PDE4D: variants seen among roughly 807,000 people sequenced by gnomAD.
PDE4D encodes the protein 3',5'-cyclic-AMP phosphodiesterase 4D.
A neutral mutation model predicts 87.4 loss-of-function variants in PDE4D; 24 were observed. The observed-to-expected ratio is 0.27, with a 90% CI of 0.20 to 0.39. PDE4D has a LOEUF of 0.39. PDE4D is among the 10% of genes least tolerant of loss of function. PDE4D has a pLI of 1.00. For synonymous variants in PDE4D, 384 were observed against 383.2 expected (o/e 1.00, Z -0.02); for missense variants, 714 against 1,041.0 (o/e 0.69, Z 4.32).
intron 1 of PDE4D, among the ~76,000 whole-genome samples, chr5:60,442,150 T>C (rs988492310): frequency 1.3e-5 from 2 of 152,158 alleles, no homozygotes; most frequent in African/African-American, 4.8e-5. Context: ...CGTATGTTTA[T>C]TGTGGCACTG....
intron 1 of PDE4D, among the ~76,000 whole-genome samples, chr5:59,739,653 G>C (rs1359944525): frequency 1.3e-5 from 2 of 152,186 alleles, no homozygotes; most frequent in Non-Finnish European, 2.9e-5. Context: ...ATACAGCAGT[G>C]TAATACGCTA....
intron 1 of PDE4D, among the ~76,000 whole-genome samples, chr5:59,761,107 T>A (rs1761910290): frequency 6.6e-6 from 1 of 152,244 alleles, no homozygotes; most frequent in African/African-American, 2.4e-5. Flanking sequence ...TTCTACTGAC[T>A]ATTGTGGGCA....
At chr5:59,403,824 G>A (rs1425570951) in intron 1 of PDE4D, among the ~76,000 whole-genome samples, 1 of 152,182 alleles carries the variant, frequency 6.6e-6, no homozygotes, top group African/African-American at 2.4e-5. Flanking sequence ...ACCTAGAAGT[G>A]GGATTGCTGG....
chr5:59,371,639 C>A (rs957694079), intron 1 of PDE4D, among the ~76,000 whole-genome samples: 1 of 152,064 alleles, frequency 6.6e-6, no homozygotes, highest in Non-Finnish European at 1.5e-5. Flanking sequence ...GGAAGTGAAC[C>A]TACTATAGAT....
chr5:59,419,931 A>C (rs1794209581), intron 1 of PDE4D, among the ~76,000 whole-genome samples: 1 of 152,170 alleles, frequency 6.6e-6, no homozygotes. Context: ...TCACCAAAGG[A>C]ACTGAGATGG....
At chr5:60,323,989 T>G (rs1376600559) in intron 1 of PDE4D, among the ~76,000 whole-genome samples, 1 of 152,166 alleles carries the variant, frequency 6.6e-6, no homozygotes, top group East Asian at 1.9e-4. Flanking sequence ...TGTGTCTGTC[T>G]TTGACGGTGC....
At chr5:59,497,745 A>C (rs769904873) in intron 1 of PDE4D, among the ~76,000 whole-genome samples, 1 of 152,212 alleles carries the variant, frequency 6.6e-6, no homozygotes, top group African/African-American at 2.4e-5. Context: ...CTTGGAACAC[A>C]TATTTGAGGA....
intron 1 of PDE4D, among the ~76,000 whole-genome samples, chr5:59,691,223 A>G (rs1415267609): frequency 6.6e-6 from 1 of 152,226 alleles, no homozygotes; most frequent in Non-Finnish European, 1.5e-5. Context: ...ATTACTGGGT[A>G]TATACCCAAA....
intron 1 of PDE4D, among the ~76,000 whole-genome samples, chr5:60,476,334 A>C (rs1034048648): frequency 6.6e-6 from 1 of 152,132 alleles, no homozygotes; most frequent in African/African-American, 2.4e-5. Context: ...ACAGTATCTA[A>C]ATTTGGCTTC....
At chr5:59,763,368 A>T (rs1580974228) in intron 1 of PDE4D, among the ~76,000 whole-genome samples, 1 of 151,950 alleles carries the variant, frequency 6.6e-6, no homozygotes, top group East Asian at 1.9e-4. Flanking sequence ...TCGTGGATAT[A>T]TAGATGTGTA....
intron 1 of PDE4D, among the ~76,000 whole-genome samples, chr5:60,361,751 A>C (rs949805399): frequency 6.6e-6 from 1 of 152,228 alleles, no homozygotes; most frequent in Non-Finnish European, 1.5e-5. Flanking sequence ...CCATCAACCC[A>C]TGCCTGAGTG....
intron 3 of PDE4D, among the ~76,000 whole-genome samples, chr5:59,947,880 G>GC (rs1757884596): frequency 6.6e-6 from 1 of 152,086 alleles, no homozygotes; most frequent in African/African-American, 2.4e-5. Context: ...GGTGGTGCAC[G>GC]CCTATAATCC....
intron 1 of PDE4D, among the ~76,000 whole-genome samples, chr5:60,376,525 C>T (rs1461610315): frequency 6.6e-6 from 1 of 152,214 alleles, no homozygotes; most frequent in Non-Finnish European, 1.5e-5. Flanking sequence ...ACAGAAGCCA[C>T]AGCGAATTTC....
Position 59,946,610 on chromosome 5 carries a change from A to G in PDE4D, c.272+41878T>C, listed in dbSNP as rs72753217. Among the ~76,000 whole-genome samples, 1,307 of 152,300 alleles carry G rather than the reference A, an allele frequency of 8.6e-3. 8 individuals carry two copies. Among genetic ancestry groups the G allele is most frequent in the Non-Finnish European group, 0.015 (996 of 68,016 alleles). ...TTATTGAAAGATTATTCAACTATAG[A>G]AGCCATTTGCTCTAGCTGTGGAGTC... On this transcript the variant is annotated intron_variant, in intron 3 of 16. Coordinates refer to the PDE4D transcript ENST00000502484.
At chr5:59,193,395 C>T (rs1201452513) in intron 3 of PDE4D, 105 bp downstream of exon 3, 59 of 1,057,124 alleles carry the variant, frequency 5.6e-5, no homozygotes, top group Non-Finnish European at 7.1e-6. Context: ...TGTATTTGTA[C>T]TTGTGCTTGA....
intron 1 of PDE4D, among the ~76,000 whole-genome samples, chr5:60,241,271 C>CTTTTT (rs371953042): frequency 3.1e-5 from 3 of 96,986 alleles, no homozygotes; most frequent in African/African-American, 4.0e-5. Flanking sequence ...CTCTCTCTCT[C>CTTTTT]TTTTTTTTTT....
chr5:59,382,124 C>T (rs530124447), intron 1 of PDE4D, among the ~76,000 whole-genome samples: 7 of 152,178 alleles, frequency 4.6e-5, no homozygotes, highest in South Asian at 2.1e-4. Context: ...ACACAGACCC[C>T]GCACTACAAT....
chr5:60,309,539 A>T (rs1754815846), intron 1 of PDE4D, among the ~76,000 whole-genome samples: 1 of 152,234 alleles, frequency 6.6e-6, no homozygotes, highest in Admixed American at 6.5e-5. Context: ...TTCTTCTAGG[A>T]ATTCAGAAAC....
At chr5:60,209,598 T>TG (rs1742954093) in intron 1 of PDE4D, among the ~76,000 whole-genome samples, 1 of 152,142 alleles carries the variant, frequency 6.6e-6, no homozygotes, top group Non-Finnish European at 1.5e-5. Flanking sequence ...CATTCTAGTG[T>TG]GGGATTTTTT....
Sources: allele counts gnomAD v4.1 joint callset (sites outside exome capture counted in the v4.1 genomes callset), GRCh38; gene constraint gnomAD v4.1.1; transcripts MANE v1.5; gene names NCBI Gene and HGNC (gene_info 2026-07-23, HGNC 2026-07-21).